The following CDH26 variants were observed in gnomAD, a reference collection of about 807,000 sequenced individuals.
CDH26 encodes the protein cadherin 26, also known as cadherin-like protein 26.
CDH26 carries 83 observed loss-of-function variants against 90.3 expected under a neutral mutation model. The ratio of observed to expected loss-of-function variants is 0.92; its 90% CI spans 0.77 to 1.10. The LOEUF (loss-of-function observed/expected upper bound fraction) is 1.10. CDH26 is among the 50% of genes least tolerant of loss of function. The probability of loss-of-function intolerance (pLI) is 0.00; values close to 1 mark genes in which losing one functional copy is unlikely to be tolerated. For synonymous variants in CDH26, 397 were observed against 396.3 expected (o/e 1.00, Z -0.02); for missense variants, 1,013 against 1,037.6 (o/e 0.98, Z 0.33).
intron 4 of CDH26, among the ~76,000 whole-genome samples, chr20:59,973,689 C>A (rs766448807): frequency 6.6e-6 from 1 of 152,194 alleles, no homozygotes; most frequent in Non-Finnish European, 1.5e-5. Flanking sequence ...ATAATGGCCT[C>A]CAGCTCCATC....
intron 1 of CDH26, among the ~76,000 whole-genome samples, chr20:59,959,801 G>A (rs1187197703): frequency 1.3e-5 from 2 of 152,198 alleles, no homozygotes; most frequent in Non-Finnish European, 2.9e-5. Flanking sequence ...GGATGGAATG[G>A]CTAAATCCAT....
chr20:59,996,453 T>C (rs776690185), intron 12 of CDH26, 178 bp from the exon 13 acceptor site: 14 of 1,601,506 alleles, frequency 8.7e-6, no homozygotes, highest in African/African-American at 2.7e-5. Context: ...CAAACAGTTA[T>C]GTAGCATCTA....
intron 1 of CDH26, among the ~76,000 whole-genome samples, chr20:59,966,231 T>TAAAAAAAAAA (rs60088029): frequency 1.3e-5 from 1 of 76,250 alleles, no homozygotes; most frequent in African/African-American, 6.3e-5. Context: ...GGTGTTGCAT[T>TAAAAAAAAAA]AAAAAAAAAA....
At chr20:60,006,611 T>C in intron 16 of CDH26, 102 bp from the exon 17 acceptor site, 1 of 787,070 alleles carries the variant, frequency 1.3e-6, no homozygotes. Flanking sequence ...AAGAGAACGG[T>C]GCTCAGTGTG....
chr20:60,017,104 G>T (rs1022526609), downstream of CDH26, among the ~76,000 whole-genome samples: 8 of 152,034 alleles, frequency 5.3e-5, no homozygotes, highest in Non-Finnish European at 1.2e-4. Context: ...TATGGCTTTG[G>T]AATGAGAGTT....
At chr20:59,968,527 A>G (rs2061208236) in intron 1 of CDH26, among the ~76,000 whole-genome samples, 2 of 152,314 alleles carry the variant, frequency 1.3e-5, no homozygotes, top group Admixed American at 1.3e-4. Flanking sequence ...TGCCATGTCT[A>G]TTATTTTATT....
rs565693310 is a variant in CDH26 at position 59,992,451 on chromosome 20, C to T, written c.1357C>T (p.Pro453Ser). ...CTCCGGAGTGGTCATCACCGTGGAG[C>T]CAATTGACCGAGAATCCCCTCATGT... ...KNSGVVITVE[P>S]IDRESPHVNN... Residue 453 changes from proline to serine, a missense_variant, in exon 10 of 18, where the codon CCA becomes TCA. By Grantham distance (74) the Pro-to-Ser change is moderately conservative. Coordinates refer to ENST00000348616, the MANE Select transcript of CDH26 (RefSeq NM_177980.4). This position sits in a 1 kb window ranked among gnomAD's most constrained non-coding sequence, Gnocchi z 5.0. The T allele has an allele frequency of 6.2e-7, 1 of 1,613,952 alleles. No individual in the cohort carries two copies. Among genetic ancestry groups the T allele is most frequent in the Non-Finnish European group, 8.5e-7 (1 of 1,179,916 alleles).
intron 7 of CDH26, among the ~76,000 whole-genome samples, chr20:60,021,917 T>TA (rs2061961751): frequency 1.4e-5 from 1 of 69,164 alleles, no homozygotes; most frequent in Non-Finnish European, 3.8e-5. Context: ...TATATATATA[T>TA]CCTGACTATT....
chr20:59,987,571 A>C lies in CDH26; in HGVS notation c.956A>C (p.Asn319Thr). The stretch of plus-strand genomic sequence containing the variant: ...GCAAAATTCAACATATTGCATGGCA[A>C]TGAAGAGGGGCATTTTGACATTTCG... The part of the protein sequence containing the change: ...WRAKFNILHG[N>T]EEGHFDISTD... Residue 319 changes from asparagine (N) to threonine (T), a missense_variant, in exon 8 of 18, where the codon AAT (asparagine) becomes ACT (threonine). Physicochemically the swap from Asn to Thr is moderately conservative, Grantham distance 65. Coordinates refer to ENST00000348616, the MANE Select transcript of CDH26 (RefSeq NM_177980.4). The C allele has an allele frequency of 2.5e-6, 4 of 1,614,084 alleles. No homozygotes were observed. Among genetic ancestry groups the C allele is most frequent in the Non-Finnish European group, 1.7e-6 (2 of 1,179,976 alleles).
chr20:59,982,839 C>T, intron 4 of CDH26, 84 bp from the exon 5 acceptor site: 2 of 1,489,588 alleles, frequency 1.3e-6, no homozygotes, highest in Admixed American at 3.6e-5. Context: ...ACAGACGTAA[C>T]ACATAATTAG....
At chr20:59,967,969 T>TTCTA (rs2061193306) in intron 1 of CDH26, among the ~76,000 whole-genome samples, 2 of 90,456 alleles carry the variant, frequency 2.2e-5, no homozygotes, top group Non-Finnish European at 4.2e-5. Context: ...CTTTCTTTCT[T>TTCTA]TCTTTCTTTC....
chr20:59,982,773 G>A, intron 4 of CDH26, 150 bp from the exon 5 acceptor site: 1 of 818,728 alleles, frequency 1.2e-6, no homozygotes, highest in South Asian at 1.8e-5. Flanking sequence ...TGGGGTACTT[G>A]GTAAATGAGG....
chr20:60,033,226 C>T (rs891537919), intron 8 of CDH26, among the ~76,000 whole-genome samples: 1 of 152,148 alleles, frequency 6.6e-6, no homozygotes, highest in Admixed American at 6.5e-5. Context: ...AGTAACACCC[C>T]TCTTACAGGT....
chr20:60,021,867 C>CACACACACACACACACACACACACAT (rs2061956838), intron 7 of CDH26, among the ~76,000 whole-genome samples: 1 of 90,446 alleles, frequency 1.1e-5, no homozygotes, highest in East Asian at 2.6e-4. Context: ...CACACACACA[C>CACACACACACACACACACACACACAT]ACACACACAC....
chr20:59,967,853 C>A (rs947864356), intron 1 of CDH26, among the ~76,000 whole-genome samples: 18 of 100,202 alleles, frequency 1.8e-4, no homozygotes, highest in African/African-American at 9.9e-4. Flanking sequence ...TTCTTTCTTT[C>A]TTTCTTTCTT....
At chr20:59,964,895 A>T (rs1228639813) in intron 1 of CDH26, among the ~76,000 whole-genome samples, 3 of 152,242 alleles carry the variant, frequency 2.0e-5, no homozygotes, top group African/African-American at 7.2e-5. Flanking sequence ...CAGAGGGAAC[A>T]AGAAACCTCA....
At position 59,990,668 on chromosome 20, in the gene CDH26, C is replaced by T. The variant is rs143742270; in HGVS notation, c.1283+1505C>T. On this transcript the variant is annotated intron_variant, in intron 9 of 17. Coordinates refer to ENST00000348616, the MANE Select transcript of CDH26 (RefSeq NM_177980.4). Reference sequence around the variant, plus strand: ...AATGCTGATGACTCTAAGGGCTTCTCAACACTTGCTCTTCATTTTTGCAGT... The same window carrying T: ...AATGCTGATGACTCTAAGGGCTTCTTAACACTTGCTCTTCATTTTTGCAGT... 5.3e-5 allele frequency among the ~76,000 whole-genome samples: 8 copies of T among 152,280 alleles called. No individual in the cohort carries two copies. In the East Asian group the frequency reaches 1.5e-3, roughly 29 times the overall value.
At position 59,994,427 on chromosome 20, in the gene CDH26, C is replaced by T. The variant is rs377434219; in HGVS notation, c.1604C>T (p.Thr535Ile). Residue 535 changes from threonine to isoleucine, a missense_variant, in exon 11 of 18, where the codon ACA becomes ATA. Coordinates refer to ENST00000348616, the MANE Select transcript of CDH26 (RefSeq NM_177980.4). Reference sequence around the variant, plus strand: ...CTGGAGCCGTTCTCTGACCCATTTACATTTGAATTGGACAATACCTGGGGA... The same window carrying T: ...CTGGAGCCGTTCTCTGACCCATTTATATTTGAATTGGACAATACCTGGGGA... ...PDLEPFSDPF[T>I]FELDNTWGNA... 72 of 1,614,032 alleles carry T rather than the reference C, an allele frequency of 4.5e-5. No homozygotes were observed. Among genetic ancestry groups the T allele is most frequent in the Non-Finnish European group, 5.6e-5 (66 of 1,180,030 alleles).
chr20:60,002,653 A>G (rs2061691938), intron 15 of CDH26, among the ~76,000 whole-genome samples, 160 bp from the exon 16 acceptor site: 1 of 151,688 alleles, frequency 6.6e-6, no homozygotes, highest in Non-Finnish European at 1.5e-5. Context: ...CAACTGTGAA[A>G]CTTGTTCATG....
Sources: gnomAD v4.1 joint callset for allele counts (sites outside exome capture counted in the v4.1 genomes callset) on GRCh38, gnomAD v4.1.1 for gene constraint, Gnocchi (gnomAD v3.1) non-coding constraint, MANE v1.5 for transcripts, NCBI Gene and HGNC (gene_info 2026-07-23, HGNC 2026-07-21) for gene names.